Variants in CSMD1 observed in about 807,000 individuals in gnomAD.
CSMD1 encodes CUB and Sushi multiple domains 1.
Under a neutral mutation model 417.5 loss-of-function variants are expected in CSMD1, and 213 were observed. The observed-to-expected ratio is 0.51, with a 90% CI of 0.46 to 0.57. The LOEUF (loss-of-function observed/expected upper bound fraction) is 0.57, where lower values mean the gene tolerates loss of function less well. CSMD1 is among the 20% of genes least tolerant of loss of function. The pLI, the probability that CSMD1 is intolerant of heterozygous loss-of-function variation, is 0.00. For missense variants in CSMD1, 6,923 were observed against 4,529.7 expected (o/e 1.53, Z -15.17); for synonymous variants, 2,862 against 1,736.8 (o/e 1.65, Z -16.11).
intron 1 of CSMD1, among the ~76,000 whole-genome samples, chr8:4,705,453 T>G (rs1245681503): frequency 6.6e-6 from 1 of 152,174 alleles, no homozygotes; most frequent in Non-Finnish European, 1.5e-5. Context: ...TTCAAAAGTG[T>G]GCTCACATAG....
chr8:3,528,445 G>C (rs933988768), intron 10 of CSMD1, among the ~76,000 whole-genome samples: 4 of 152,196 alleles, frequency 2.6e-5, no homozygotes, highest in Non-Finnish European at 5.9e-5. Flanking sequence ...AGCCATGCCT[G>C]CTTCTATGCC....
chr8:3,299,729 C>G (rs377054847), intron 25 of CSMD1, among the ~76,000 whole-genome samples: 1 of 152,042 alleles, frequency 6.6e-6, no homozygotes, highest in Non-Finnish European at 1.5e-5. Flanking sequence ...AAGTCACTAA[C>G]CAAATGTATT....
At chr8:3,931,606 G>A (rs1188159519) in intron 5 of CSMD1, among the ~76,000 whole-genome samples, 1 of 149,688 alleles carries the variant, frequency 6.7e-6, no homozygotes, top group Non-Finnish European at 1.5e-5. Context: ...AAATCATTGC[G>A]CCAAGAGTTA....
intron 2 of CSMD1, among the ~76,000 whole-genome samples, chr8:4,574,177 A>C (rs889751476): frequency 1.3e-5 from 2 of 151,478 alleles, no homozygotes; most frequent in African/African-American, 4.8e-5. Context: ...GTCCAAAAAA[A>C]ACCTCTTGCA....
chr8:3,969,902 A>G (rs1225967588), intron 5 of CSMD1, among the ~76,000 whole-genome samples: 4 of 151,780 alleles, frequency 2.6e-5, no homozygotes, highest in East Asian at 1.9e-4. Flanking sequence ...TAATTTGCAA[A>G]AACAAACAAA....
At chr8:3,549,089 C>G (rs938732990) in intron 10 of CSMD1, among the ~76,000 whole-genome samples, 1 of 152,206 alleles carries the variant, frequency 6.6e-6, no homozygotes, top group Non-Finnish European at 1.5e-5. Context: ...AAGCCTCCAT[C>G]TCAGAGCCAC....
chr8:4,799,702 C>A (rs1420593295), intron 1 of CSMD1, among the ~76,000 whole-genome samples: 1 of 138,810 alleles, frequency 7.2e-6, no homozygotes, highest in African/African-American at 2.7e-5. Flanking sequence ...ATTATCAATA[C>A]AATATTTATT....
At chr8:4,225,604 A>G (rs1801301834) in intron 3 of CSMD1, among the ~76,000 whole-genome samples, 1 of 151,322 alleles carries the variant, frequency 6.6e-6, no homozygotes, top group African/African-American at 2.4e-5. Flanking sequence ...GGGAGGAAAT[A>G]TGCTGTTGTC....
At chr8:3,705,838 G>T (rs1477326924) in intron 7 of CSMD1, among the ~76,000 whole-genome samples, 1 of 152,164 alleles carries the variant, frequency 6.6e-6, no homozygotes, top group African/African-American at 2.4e-5. Flanking sequence ...TCAAGTTAAT[G>T]GAATGGCTTG....
intron 12 of CSMD1, among the ~76,000 whole-genome samples, chr8:3,454,430 T>A (rs1815967837): frequency 6.6e-6 from 1 of 152,234 alleles, no homozygotes; most frequent in African/African-American, 2.4e-5. Context: ...CAATTTGGCA[T>A]GTTTTTGCAG....
intron 3 of CSMD1, among the ~76,000 whole-genome samples, chr8:4,385,451 T>C (rs1444507168): frequency 6.6e-6 from 1 of 152,176 alleles, no homozygotes; most frequent in Non-Finnish European, 1.5e-5. Context: ...TTTCTTTTCT[T>C]AGTTTTATTT....
chr8:3,831,148 C>T (rs1183790239), intron 5 of CSMD1, among the ~76,000 whole-genome samples: 8 of 152,084 alleles, frequency 5.3e-5, no homozygotes, highest in Admixed American at 5.2e-4. Flanking sequence ...TTTCACAATT[C>T]AAAAGAAACC....
intron 5 of CSMD1, among the ~76,000 whole-genome samples, chr8:3,949,751 C>T (rs1430570400): frequency 6.6e-6 from 1 of 152,152 alleles, no homozygotes; most frequent in East Asian, 1.9e-4. Flanking sequence ...CCACCAGGAT[C>T]TCCAAGAAGC....
intron 21 of CSMD1, among the ~76,000 whole-genome samples, chr8:3,351,598 CA>C (rs10718608): frequency 0.6 from 74,750 of 124,054 alleles, 20,570 homozygotes; most frequent in Middle Eastern, 0.71. Context: ...GACTCTGTTT[CA>C]AAAAAAAAAA....
intron 26 of CSMD1, among the ~76,000 whole-genome samples, chr8:3,268,575 C>T (rs1430713671): frequency 7.9e-5 from 12 of 151,978 alleles, no homozygotes; most frequent in Admixed American, 2.0e-4. Flanking sequence ...CGTGAGCCAC[C>T]GTGCCAGGCC....
At chr8:4,072,891 A>C (rs969836924) in intron 3 of CSMD1, among the ~76,000 whole-genome samples, 2 of 152,200 alleles carry the variant, frequency 1.3e-5, no homozygotes, top group Non-Finnish European at 2.9e-5. Flanking sequence ...TGTACAGTGG[A>C]AAAAGTCAAA....
At chr8:4,756,910 C>A (rs1042153043) in intron 1 of CSMD1, among the ~76,000 whole-genome samples, 1 of 152,210 alleles carries the variant, frequency 6.6e-6, no homozygotes, top group African/African-American at 2.4e-5. Flanking sequence ...CATCCTTTAA[C>A]CGGAAACAGC....
chr8:4,272,542 G>C lies in CSMD1; in HGVS notation c.415+147411C>G, dbSNP rs993727957. Among the ~76,000 whole-genome samples, 13 of 152,256 alleles carry C rather than the reference G, an allele frequency of 8.5e-5. No homozygotes were observed. The East Asian group carries it at 1.7e-3, about 20-fold the overall frequency. The stretch of plus-strand genomic sequence containing the variant: ...AAACCACATGCATAACAAGTGATTT[G>C]CTTCAAACTTGTAATACCAGTTATT... On this transcript the variant is annotated intron_variant, in intron 3 of 69. Coordinates refer to ENST00000635120, the MANE Select transcript of CSMD1 (RefSeq NM_033225.6).
At chr8:3,741,174 A>G (rs1258728227) in intron 6 of CSMD1, among the ~76,000 whole-genome samples, 1 of 136,588 alleles carries the variant, frequency 7.3e-6, no homozygotes, top group African/African-American at 2.7e-5. Context: ...AGATCGTGCT[A>G]TTGCAGTCCA....
Sources: allele counts gnomAD v4.1 joint callset (sites outside exome capture counted in the v4.1 genomes callset), GRCh38; gene constraint gnomAD v4.1.1; transcripts MANE v1.5; gene names NCBI Gene and HGNC (gene_info 2026-07-23, HGNC 2026-07-21).